Variants in RMND1 observed in about 807,000 individuals in gnomAD.
The protein encoded by RMND1 is required for meiotic nuclear division protein 1 homolog.
Under a neutral mutation model 54.0 loss-of-function variants are expected in RMND1, and 41 were observed. That is an observed-to-expected ratio of 0.76 (90% CI 0.59 to 0.98). The LOEUF is 0.98. Among genes scored for constraint, RMND1 ranks in the 50% least tolerant of loss-of-function variants. The probability of loss-of-function intolerance (pLI) is 0.00; values close to 1 mark genes in which losing one functional copy is unlikely to be tolerated. For missense variants in RMND1, 457 were observed against 532.0 expected (o/e 0.86, Z 1.39); for synonymous variants, 183 against 181.7 (o/e 1.01, Z -0.06).
chr6:151,409,835 A>C (rs540364090), intron 10 of RMND1, among the ~76,000 whole-genome samples: 2 of 152,286 alleles, frequency 1.3e-5, no homozygotes, highest in South Asian at 4.1e-4. Context: ...ATGGGGACAG[A>C]AGCCTCAGCG....
intron 10 of RMND1, chr6:151,411,467 C>A (rs1418858319): frequency 6.6e-6 from 1 of 152,148 alleles, no homozygotes; most frequent in Non-Finnish European, 1.5e-5. Context: ...GGCCTCGATA[C>A]CAGAATGAAG....
At chr6:151,409,423 T>C (rs1779735242) in intron 10 of RMND1, among the ~76,000 whole-genome samples, 1 of 152,172 alleles carries the variant, frequency 6.6e-6, no homozygotes, top group African/African-American at 2.4e-5. Context: ...TAGGTGAGGC[T>C]AGAAGGTCCT....
intron 1 of RMND1, among the ~76,000 whole-genome samples, chr6:151,448,263 C>T (rs1405152660): frequency 6.6e-6 from 1 of 152,112 alleles, no homozygotes; most frequent in Non-Finnish European, 1.5e-5. Context: ...GCACCACCTC[C>T]TATCTTTGCA....
At chr6:151,438,248 C>T (rs1232706661) in intron 2 of RMND1, among the ~76,000 whole-genome samples, 3 of 152,198 alleles carry the variant, frequency 2.0e-5, no homozygotes, top group African/African-American at 7.2e-5. Context: ...TAGCAAGGGG[C>T]ATCAGGCGAG....
intron 2 of RMND1, among the ~76,000 whole-genome samples, chr6:151,437,698 G>T (rs1394746948): frequency 6.6e-6 from 1 of 152,036 alleles, no homozygotes; most frequent in East Asian, 1.9e-4. Context: ...TATATTCCTG[G>T]TATGAAATTC....
chr6:151,407,923 A>G (rs1454091261), intron 10 of RMND1, among the ~76,000 whole-genome samples: 1 of 152,050 alleles, frequency 6.6e-6, no homozygotes, highest in Non-Finnish European at 1.5e-5. Flanking sequence ...ACACAAAAAA[A>G]AGTCACTATT....
rs371229626 is a variant in RMND1, at chr6:151,429,563, G to T, written c.729+575C>A. On this transcript the variant is annotated intron_variant, in intron 5 of 11. Transcript: ENST00000444024. ...TTAACAAACTATTATTGTGTATTTT[G>T]GTAATTTCTAATTTTTGCCATTATA... 3.2e-3 allele frequency among the ~76,000 whole-genome samples: 486 copies of T among 151,038 alleles called. 3 individuals are homozygous for T. The highest frequency in any genetic ancestry group is 0.011 in the African/African-American group (461 of 40,512).
intron 1 of RMND1, chr6:151,446,171 C>T: frequency 5.2e-6 from 1 of 191,392 alleles, no homozygotes; most frequent in Non-Finnish European, 1.1e-5. Flanking sequence ...ACTTGTAATC[C>T]CAGCACACTG....
At chr6:151,450,600 G>A (rs1781137585) in intron 1 of RMND1, among the ~76,000 whole-genome samples, 1 of 146,474 alleles carries the variant, frequency 6.8e-6, no homozygotes, top group South Asian at 2.3e-4. Flanking sequence ...CCCCCGCCCG[G>A]CCAGCCGCCC....
chr6:151,444,707 C>G (rs1362554450), intron 2 of RMND1: 3 of 152,218 alleles, frequency 2.0e-5, no homozygotes, highest in Non-Finnish European at 4.4e-5. Flanking sequence ...CAAAGGTTAT[C>G]AAGGGCTTGA....
intron 10 of RMND1, among the ~76,000 whole-genome samples, chr6:151,406,461 A>G (rs1345371500): frequency 6.6e-6 from 1 of 152,014 alleles, no homozygotes; most frequent in African/African-American, 2.4e-5. Context: ...TCCTGGGATC[A>G]CGCCATTCTC....
chr6:151,445,458 C>A lies in RMND1; in HGVS notation c.354G>T (p.Trp118Cys). The A allele has an allele frequency of 6.2e-7, 1 of 1,614,172 alleles. No individual in the cohort carries two copies. ...THKPNLLGSK[W>C]FIKILKRHFS... ...AATGCCTCTTTAATATTTTTATAAACCATTTAGAACCCAACAGATTTGGTT... is the reference window on the plus strand; with the variant it reads ...AATGCCTCTTTAATATTTTTATAAAACATTTAGAACCCAACAGATTTGGTT... The change falls in exon 2 of 12, where the codon TGG (tryptophan) becomes TGT (cysteine). Residue 118 changes from tryptophan to cysteine, a missense_variant. Physicochemically the swap from Trp to Cys is radical, Grantham distance 215 (BLOSUM62 -2). Coordinates refer to ENST00000444024, the MANE Select transcript of RMND1 (RefSeq NM_017909.4).
At chr6:151,407,263 T>C (rs943039067) in intron 10 of RMND1, among the ~76,000 whole-genome samples, 1 of 152,156 alleles carries the variant, frequency 6.6e-6, no homozygotes, top group African/African-American at 2.4e-5. Context: ...TTCTAATCTG[T>C]ATAGATGTGT....
intron 1 of RMND1, among the ~76,000 whole-genome samples, chr6:151,447,810 CTTTTTTT>C (rs869136474): frequency 7.3e-5 from 8 of 110,340 alleles, no homozygotes; most frequent in Non-Finnish European, 1.4e-4. Context: ...TGAGTAAATT[CTTTTTTT>C]TTTTTTTTTT....
rs1226534028 is a variant in RMND1 at position 151,434,511 on chromosome 6, C to A, written c.614-1281G>T. On this transcript the variant is annotated intron_variant, in intron 3 of 11. Transcript: ENST00000444024. ...TAAAATCGACTGAAACAACCCAGGG[C>A]AGTGAAGCCTGCAATTCTGTGAAGC... is the stretch of plus-strand genomic sequence containing the variant. 4.0e-5 allele frequency among the ~76,000 whole-genome samples: 6 copies of A among 151,866 alleles called. No individual in the cohort carries two copies. In the East Asian group the frequency reaches 1.2e-3, roughly 29 times the overall value.
chr6:151,450,125 A>C (rs536718632), intron 1 of RMND1, among the ~76,000 whole-genome samples: 2 of 151,644 alleles, frequency 1.3e-5, no homozygotes, highest in East Asian at 4.0e-4. Flanking sequence ...GAAAGTGAGG[A>C]GCGTCTCTGC....
At chr6:151,449,773 CGAGTGCCTGCGATTA>C (rs1781077633) in intron 1 of RMND1, among the ~76,000 whole-genome samples, 5 of 152,222 alleles carry the variant, frequency 3.3e-5, no homozygotes, top group Admixed American at 3.3e-4. Flanking sequence ...CTCAGCCTGC[CGAGTGCCTGCGATTA>C]CAGGCGCATG....
intron 2 of RMND1, 86 bp downstream of exon 2, chr6:151,445,222 T>C (rs1780916685): frequency 1.4e-6 from 2 of 1,397,262 alleles, no homozygotes; most frequent in South Asian, 1.5e-5. Context: ...TCTCTTACGT[T>C]GGCGGTAAGG....
chr6:151,409,399 GT>G (rs1779734630), intron 10 of RMND1, among the ~76,000 whole-genome samples: 1 of 152,178 alleles, frequency 6.6e-6, no homozygotes, highest in Non-Finnish European at 1.5e-5. Context: ...TAAGTTTCTG[GT>G]TGAATGACTA....
Sources: gnomAD v4.1 joint callset for allele counts (sites outside exome capture counted in the v4.1 genomes callset) on GRCh38, gnomAD v4.1.1 for gene constraint, MANE v1.5 for transcripts, NCBI Gene and HGNC (gene_info 2026-07-23, HGNC 2026-07-21) for gene names.